The following GPR158 variants were observed in gnomAD, a reference collection of about 807,000 sequenced individuals.
GPR158 encodes metabotropic glycine receptor.
GPR158 carries 30 observed loss-of-function variants against 78.2 expected under a neutral mutation model. The ratio of observed to expected loss-of-function variants is 0.38; its 90% CI spans 0.29 to 0.52. The LOEUF (loss-of-function observed/expected upper bound fraction) is 0.52, where lower values mean the gene tolerates loss of function less well. Among genes scored for constraint, GPR158 ranks in the 20% least tolerant of loss-of-function variants. GPR158 has a pLI of 0.83. For missense variants in GPR158, 1,463 were observed against 1,523.5 expected (o/e 0.96, Z 0.66); for synonymous variants, 581 against 591.1 (o/e 0.98, Z 0.25).
intron 2 of GPR158, among the ~76,000 whole-genome samples, chr10:25,333,534 C>T (rs1855156796): frequency 6.6e-6 from 1 of 152,078 alleles, no homozygotes; most frequent in South Asian, 2.1e-4. Flanking sequence ...TACAACCCAT[C>T]CCCAATGTAA....
chr10:25,400,556 G>T lies in GPR158; in HGVS notation c.1111+4543G>T, dbSNP rs534972624. Among the ~76,000 whole-genome samples the T allele has an allele frequency of 1.8e-4, 28 of 152,308 alleles. No homozygotes were observed. The South Asian group carries it at 5.8e-3, about 32-fold the overall frequency. ...TTGCTCTTGAAATTGGTAATCACATGTGAGTTAGCAGGATCTGACATCTGG... is the reference window on the plus strand; with the variant it reads ...TTGCTCTTGAAATTGGTAATCACATTTGAGTTAGCAGGATCTGACATCTGG... On this transcript the variant is annotated intron_variant, in intron 3 of 10. Transcript: ENST00000376351.
intron 6 of GPR158, among the ~76,000 whole-genome samples, chr10:25,569,974 C>G (rs1437843682): frequency 6.6e-6 from 1 of 152,082 alleles, no homozygotes; most frequent in South Asian, 2.1e-4. Flanking sequence ...AAGAGTAAAG[C>G]TAGAATTTGG....
At chr10:25,476,381 A>AG (rs199991162) in intron 5 of GPR158, among the ~76,000 whole-genome samples, 1 of 74,266 alleles carries the variant, frequency 1.3e-5, no homozygotes. Context: ...TCATTTAATA[A>AG]GGGTTTTTTT....
At chr10:25,511,890 A>G (rs984745749) in intron 5 of GPR158, among the ~76,000 whole-genome samples, 4 of 152,106 alleles carry the variant, frequency 2.6e-5, no homozygotes, top group African/African-American at 9.7e-5. Context: ...TCATTGGTCT[A>G]TGTGCCTATT....
intron 2 of GPR158, among the ~76,000 whole-genome samples, chr10:25,293,665 A>G (rs575234654): frequency 7.9e-5 from 12 of 152,262 alleles, no homozygotes; most frequent in African/African-American, 2.9e-4. Context: ...CTCCATAGCA[A>G]ATTATTTCCT....
intron 2 of GPR158, among the ~76,000 whole-genome samples, chr10:25,369,165 C>T (rs1050608427): frequency 2.0e-5 from 3 of 151,490 alleles, no homozygotes; most frequent in Non-Finnish European, 4.4e-5. Flanking sequence ...TTATTTCCTT[C>T]TCCTGCCTAA....
intron 1 of GPR158, among the ~76,000 whole-genome samples, chr10:25,198,173 T>G (rs575017455): frequency 6.6e-6 from 1 of 152,356 alleles, no homozygotes; most frequent in Non-Finnish European, 1.5e-5. Flanking sequence ...AGGATAGATA[T>G]TCCATGCTGA....
intron 2 of GPR158, among the ~76,000 whole-genome samples, chr10:25,375,102 C>T (rs546475852): frequency 2.6e-5 from 4 of 151,646 alleles, no homozygotes; most frequent in African/African-American, 9.6e-5. Flanking sequence ...GTGATAATAT[C>T]TCTTTGTGGT....
intron 4 of GPR158, among the ~76,000 whole-genome samples, chr10:25,415,165 G>T (rs1241883490): frequency 6.6e-6 from 1 of 152,052 alleles, no homozygotes. Flanking sequence ...CATGACAAAA[G>T]TAGATAAATT....
chr10:25,443,037 T>C (rs1169151887), intron 4 of GPR158, among the ~76,000 whole-genome samples: 1 of 152,190 alleles, frequency 6.6e-6, no homozygotes, highest in Non-Finnish European at 1.5e-5. Flanking sequence ...ATGGTCATGG[T>C]TGACATGGAC....
intron 6 of GPR158, among the ~76,000 whole-genome samples, chr10:25,563,957 T>G (rs1033418333): frequency 2.0e-5 from 3 of 150,732 alleles, no homozygotes; most frequent in Non-Finnish European, 4.4e-5. Context: ...CGTGCCTCAT[T>G]TTTTTTTTAG....
chr10:25,596,891 T>C, intron 10 of GPR158, 102 bp downstream of exon 10: 1 of 889,306 alleles, frequency 1.1e-6, no homozygotes, highest in Non-Finnish European at 1.8e-6. Flanking sequence ...TGTACACTCA[T>C]GTTTGTGCAT....
intron 4 of GPR158, among the ~76,000 whole-genome samples, chr10:25,436,671 T>C (rs1835002302): frequency 6.6e-6 from 1 of 152,138 alleles, no homozygotes. Flanking sequence ...GTGAGAAGGA[T>C]GCGGTGGATT....
intron 7 of GPR158, among the ~76,000 whole-genome samples, chr10:25,576,360 A>T (rs919376214): frequency 1.3e-5 from 2 of 152,066 alleles, no homozygotes; most frequent in African/African-American, 4.8e-5. Context: ...TTCCTAGCTC[A>T]TTTACTCCCT....
intron 4 of GPR158, among the ~76,000 whole-genome samples, chr10:25,443,649 A>T (rs1226573500): frequency 6.8e-6 from 1 of 147,400 alleles, no homozygotes; most frequent in Non-Finnish European, 1.5e-5. Flanking sequence ...TCAAGCGATC[A>T]TTCCACTTCG....
chr10:25,222,403 TTCA>T (rs1853311525), intron 2 of GPR158, among the ~76,000 whole-genome samples: 1 of 146,432 alleles, frequency 6.8e-6, no homozygotes, highest in Non-Finnish European at 1.5e-5. Flanking sequence ...GATCCCCCAC[TTCA>T]TCAATACATT....
At chr10:25,453,044 A>G (rs1835242323) in intron 4 of GPR158, among the ~76,000 whole-genome samples, 1 of 152,166 alleles carries the variant, frequency 6.6e-6, no homozygotes, top group South Asian at 2.1e-4. Context: ...TGTTGTCACA[A>G]ATGACAGGAT....
At chr10:25,583,641 G>C (rs1837230973) in intron 7 of GPR158, among the ~76,000 whole-genome samples, 1 of 147,214 alleles carries the variant, frequency 6.8e-6, no homozygotes, top group South Asian at 2.2e-4. Context: ...GAGTTATCCT[G>C]GGTAGAATTG....
intron 2 of GPR158, among the ~76,000 whole-genome samples, chr10:25,384,591 T>C (rs1286131916): frequency 6.6e-6 from 1 of 152,222 alleles, no homozygotes; most frequent in East Asian, 1.9e-4. Flanking sequence ...GATTTGGAAT[T>C]ACATAAACTT....
Sources: allele counts gnomAD v4.1 joint callset (sites outside exome capture counted in the v4.1 genomes callset), GRCh38; gene constraint gnomAD v4.1.1; transcripts MANE v1.5; gene names NCBI Gene and HGNC (gene_info 2026-07-23, HGNC 2026-07-21).